Variants in TRAPPC9 observed in about 807,000 individuals in gnomAD.
TRAPPC9 encodes IKK2 binding protein.
In TRAPPC9, 83 loss-of-function variants were observed where a neutral mutation model predicts 124.0. The observed-to-expected ratio is 0.67, with a 90% CI of 0.56 to 0.80. The LOEUF (loss-of-function observed/expected upper bound fraction) is 0.80, where lower values mean the gene tolerates loss of function less well. Among genes scored for constraint, TRAPPC9 ranks in the 30% least tolerant of loss-of-function variants. The pLI is 0.00. For synonymous variants in TRAPPC9, 638 were observed against 617.5 expected (o/e 1.03, Z -0.49); for missense variants, 1,302 against 1,508.3 (o/e 0.86, Z 2.27).
chr8:140,246,765 A>G (rs1456013526), intron 16 of TRAPPC9, among the ~76,000 whole-genome samples: 3 of 152,136 alleles, frequency 2.0e-5, no homozygotes, highest in African/African-American at 7.2e-5. Context: ...CGGGCGGATC[A>G]CCTGAGGTCA....
chr8:139,889,775 C>T (rs1374473958), intron 20 of TRAPPC9, among the ~76,000 whole-genome samples: 2 of 152,168 alleles, frequency 1.3e-5, no homozygotes, highest in Admixed American at 1.3e-4. Flanking sequence ...GAGCAGAGGG[C>T]CACAGCAGGA....
Position 140,242,779 on chromosome 8 carries a change from G to A in TRAPPC9, c.2431+9998C>T, listed in dbSNP as rs532354994. On this transcript the variant is annotated intron_variant, in intron 16 of 22. Coordinates refer to ENST00000438773, the MANE Select transcript of TRAPPC9 (RefSeq NM_001160372.4). ...GGGGATGCAGCAGTGAAGCAGAGTCGGGAACAGTCAGTGTGGCACGGCACG... is the reference window on the plus strand; with the variant it reads ...GGGGATGCAGCAGTGAAGCAGAGTCAGGAACAGTCAGTGTGGCACGGCACG... Among the ~76,000 whole-genome samples the A allele has an allele frequency of 1.2e-4, 18 of 152,324 alleles. No individual in the cohort carries two copies. The South Asian group carries it at 2.3e-3, about 19-fold the overall frequency.
At chr8:140,029,811 AAATATC>A (rs1313481292) in intron 17 of TRAPPC9, among the ~76,000 whole-genome samples, 1 of 151,892 alleles carries the variant, frequency 6.6e-6, no homozygotes, top group Non-Finnish European at 1.5e-5. Flanking sequence ...AATATTACTC[AAATATC>A]AAAATCAGAT....
Position 139,975,125 on chromosome 8 carries a change from C to T in TRAPPC9, c.2810+13601G>A, listed in dbSNP as rs188766707. Among the ~76,000 whole-genome samples the T allele has an allele frequency of 4.6e-5, 7 of 152,218 alleles. No individual in the cohort carries two copies. In the East Asian group the frequency reaches 1.4e-3, roughly 29 times the overall value. ...GAGTGAACCTAGGACCAAGGTCTGG[C>T]AACTTTCACTAGAGGCCAATGAAAA... On this transcript the variant is annotated intron_variant, in intron 19 of 22. Transcript: ENST00000438773.
chr8:140,114,265 C>G (rs901479304), intron 17 of TRAPPC9, among the ~76,000 whole-genome samples: 3 of 142,860 alleles, frequency 2.1e-5, no homozygotes, highest in Middle Eastern at 3.9e-3. Flanking sequence ...ATATATCCAG[C>G]GAGTCAGTCA....
intron 6 of TRAPPC9, among the ~76,000 whole-genome samples, chr8:140,401,872 C>A (rs1224251670): frequency 2.0e-5 from 3 of 151,676 alleles, no homozygotes; most frequent in Admixed American, 2.0e-4. Context: ...GTGATCCTCC[C>A]ACCTCAGCCT....
At chr8:140,222,305 T>C (rs2063353242) in intron 16 of TRAPPC9, among the ~76,000 whole-genome samples, 1 of 152,222 alleles carries the variant, frequency 6.6e-6, no homozygotes, top group South Asian at 2.1e-4. Flanking sequence ...TGGGTTTTTT[T>C]CTTACTTGTT....
intron 21 of TRAPPC9, among the ~76,000 whole-genome samples, chr8:139,862,916 C>T (rs566509703): frequency 3.1e-4 from 47 of 152,322 alleles, no homozygotes; most frequent in Non-Finnish European, 5.4e-4. Flanking sequence ...CCTTTCGATC[C>T]GGTGGGTGGC....
chr8:140,064,589 C>T (rs1238582691), intron 17 of TRAPPC9, among the ~76,000 whole-genome samples: 1 of 152,156 alleles, frequency 6.6e-6, no homozygotes, highest in African/African-American at 2.4e-5. Flanking sequence ...GGTAACAAAG[C>T]AAAGAGAAAT....
At chr8:140,203,676 C>G (rs1300220737) in intron 17 of TRAPPC9, among the ~76,000 whole-genome samples, 1 of 152,202 alleles carries the variant, frequency 6.6e-6, no homozygotes, top group East Asian at 1.9e-4. Context: ...GCAGAAGAGA[C>G]AGAAGAGACC....
At chr8:139,757,058 G>C (rs1176059959) in intron 21 of TRAPPC9, among the ~76,000 whole-genome samples, 1 of 132,196 alleles carries the variant, frequency 7.6e-6, no homozygotes, top group Non-Finnish European at 1.6e-5. Context: ...GCCAGGGTTT[G>C]GGGATGAGGA....
At chr8:140,283,754 T>C in intron 14 of TRAPPC9, 135 bp downstream of exon 14, 1 of 924,010 alleles carries the variant, frequency 1.1e-6, no homozygotes, top group Non-Finnish European at 1.7e-6. Context: ...TGATGTTGCT[T>C]ATCTTACAGA....
At position 139,951,716 on chromosome 8, in the gene TRAPPC9, G is replaced by A. The variant is rs192101840; in HGVS notation, c.2810+37010C>T. On this transcript the variant is annotated intron_variant, in intron 19 of 22. Transcript: ENST00000438773. ...ATTACAGATGCCGAGCTCACTCCAC[G>A]CACCTCTGAGTCTGCACCAAAGGGC... is the stretch of plus-strand genomic sequence containing the variant. Among the ~76,000 whole-genome samples, 48 of 152,298 alleles carry A rather than the reference G, an allele frequency of 3.2e-4. 1 individual carries two copies. In the South Asian group the frequency reaches 7.0e-3, roughly 22 times the overall value.
intron 21 of TRAPPC9, among the ~76,000 whole-genome samples, chr8:139,760,957 A>G (rs1404586752): frequency 6.6e-6 from 1 of 152,192 alleles, no homozygotes; most frequent in Non-Finnish European, 1.5e-5. Flanking sequence ...TGGGGTGGGT[A>G]GCTTGGGTCT....
chr8:139,830,236 G>A (rs1025368199), intron 21 of TRAPPC9, among the ~76,000 whole-genome samples: 2 of 150,826 alleles, frequency 1.3e-5, no homozygotes, highest in African/African-American at 4.9e-5. Context: ...GCATACACAT[G>A]CACACACACA....
At chr8:139,978,732 G>A (rs897080976) in intron 19 of TRAPPC9, among the ~76,000 whole-genome samples, 18 of 152,220 alleles carry the variant, frequency 1.2e-4, no homozygotes, top group African/African-American at 4.1e-4. Context: ...GCTACCCTCT[G>A]CAATGCCCTT....
chr8:139,814,192 C>T (rs1422068832), intron 21 of TRAPPC9, among the ~76,000 whole-genome samples: 2 of 152,232 alleles, frequency 1.3e-5, no homozygotes, highest in East Asian at 1.9e-4. Context: ...CGGTGGGCGG[C>T]CAGGGGCAGG....
chr8:140,322,362 G>A (rs1034071457), intron 9 of TRAPPC9, among the ~76,000 whole-genome samples: 1 of 152,200 alleles, frequency 6.6e-6, no homozygotes, highest in African/African-American at 2.4e-5. Flanking sequence ...AGATCAGATT[G>A]GCAATGCCCC....
chr8:139,881,476 A>C (rs972747320), intron 21 of TRAPPC9, among the ~76,000 whole-genome samples: 2 of 152,138 alleles, frequency 1.3e-5, no homozygotes, highest in African/African-American at 4.8e-5. Context: ...GCTGCCTAAC[A>C]ACCTGCTGAA....
Sources: gnomAD v4.1 joint callset for allele counts (sites outside exome capture counted in the v4.1 genomes callset) on GRCh38, gnomAD v4.1.1 for gene constraint, MANE v1.5 for transcripts, NCBI Gene and HGNC (gene_info 2026-07-23, HGNC 2026-07-21) for gene names.